Variants in BCAR1 observed in about 807,000 individuals in gnomAD.
BCAR1 encodes BCAR1 scaffold protein, Cas family member.
In BCAR1, 30 loss-of-function variants were observed where a neutral mutation model predicts 67.6. That is an observed-to-expected ratio of 0.44 (90% CI 0.33 to 0.60). The LOEUF is 0.60. BCAR1 is among the 20% of genes least tolerant of loss of function. The pLI, the probability that BCAR1 is intolerant of heterozygous loss-of-function variation, is 0.02. For synonymous variants in BCAR1, 626 were observed against 556.7 expected, an observed-to-expected ratio of 1.12 and a Z score of -1.75; for missense variants, 1,313 against 1,222.3, an observed-to-expected ratio of 1.07 and a Z score of -1.11.
In BCAR1 at chr16:75,266,870, C is replaced by T. The variant is rs1597298793; in HGVS notation, c.66+1045G>A. ...GAAAGACGGAGCCAGCTCCATGAGG[C>T]TGGTTTGCCGCAGCCCGGGCTCATG... is the stretch of plus-strand genomic sequence containing the variant. On this transcript the variant is annotated intron_variant, in intron 1 of 6. Coordinates refer to the BCAR1 transcript ENST00000393422. 17 of 1,121,152 alleles carry T rather than the reference C, an allele frequency of 1.5e-5. No individual in the cohort carries two copies. The East Asian group carries it at 5.2e-4, about 34-fold the overall frequency. The allele number at this position is 1,121,152 out of a possible 1,614,324, so 69.5% of individuals were successfully genotyped here. A position where few individuals can be genotyped will look rare whatever the true frequency, so the allele number is the denominator to read the frequency against.
chr16:75,236,964 G>A lies in BCAR1; in HGVS notation c.830C>T (p.Pro277Leu). 1 of 1,610,356 alleles carries A rather than the reference G, an allele frequency of 6.2e-7. No homozygotes were observed. Residue 277 changes from proline to leucine, a missense_variant, in exon 4 of 7, where the codon CCC becomes CTC. Transcript: ENST00000162330. Reference sequence around the variant, plus strand: ...CTCCAGCAACGGGTCTCGGCCATTGGGACCCTTGACAGCCATGGGGGGTGT... The same window carrying A: ...CTCCAGCAACGGGTCTCGGCCATTGAGACCCTTGACAGCCATGGGGGGTGT... Reference protein sequence around the residue: ...YDTPPMAVKGPNGRDPLLEVY... With the variant: ...YDTPPMAVKGLNGRDPLLEVY...
Position 75,266,743 on chromosome 16 carries a change from C to T in BCAR1, c.66+1172G>A, listed in dbSNP as rs186575738. On this transcript the variant is annotated intron_variant, in intron 1 of 6. Transcript: ENST00000393422. ...TCAAAGGAAGGACCAGGGGTCCGACCCCTCTGTTCTGCTTCCTGGGGACGG... is the reference window on the plus strand; with the variant it reads ...TCAAAGGAAGGACCAGGGGTCCGACTCCTCTGTTCTGCTTCCTGGGGACGG... 1,311 of 1,452,600 alleles carry T rather than the reference C, an allele frequency of 9.0e-4. 14 individuals carry two copies. In the African/African-American group the frequency reaches 0.016, roughly 18 times the overall value. The allele number at this position is 1,452,600 out of a possible 1,614,324, so 90.0% of individuals were successfully genotyped here.
At chr16:75,239,612 G>A (rs948763066) in intron 2 of BCAR1, among the ~76,000 whole-genome samples, 1 of 152,122 alleles carries the variant, frequency 6.6e-6, no homozygotes, top group Admixed American at 6.5e-5. Context: ...GTTGGCTCCC[G>A]GCTCTGGCAC....
At chr16:75,264,119 T>C in intron 1 of BCAR1, 1 of 1,295,560 alleles carries the variant, frequency 7.7e-7, no homozygotes, top group Non-Finnish European at 9.8e-7. Flanking sequence ...TCTGTCCAAG[T>C]CCTACCCAGC....
chr16:75,239,776 C>T (rs2077274378), intron 2 of BCAR1, among the ~76,000 whole-genome samples: 1 of 152,200 alleles, frequency 6.6e-6, no homozygotes, highest in African/African-American at 2.4e-5. Context: ...AGCCCGCTCC[C>T]CTCCCTCCCC....
intron 6 of BCAR1, among the ~76,000 whole-genome samples, chr16:75,230,235 C>T (rs890244731): frequency 2.0e-5 from 3 of 152,160 alleles, no homozygotes; most frequent in African/African-American, 4.8e-5. Flanking sequence ...TTCCACCAGT[C>T]TCAAAAGGTC....
intron 1 of BCAR1, chr16:75,263,667 C>G: frequency 4.1e-6 from 4 of 985,498 alleles, no homozygotes; most frequent in Non-Finnish European, 1.2e-6. Context: ...CCTTCTGAAG[C>G]ATCTTATAAT....
intron 6 of BCAR1, among the ~76,000 whole-genome samples, chr16:75,233,197 C>A (rs975161767): frequency 1.3e-5 from 2 of 152,024 alleles, no homozygotes; most frequent in African/African-American, 4.8e-5. Context: ...TGTGGTGAAA[C>A]CTTTGTCTCT....
intron 2 of BCAR1, chr16:75,239,225 G>T: frequency 1.6e-6 from 1 of 639,504 alleles, no homozygotes; most frequent in Non-Finnish European, 1.9e-6. Flanking sequence ...CCACTAGCAG[G>T]CCGTGGAGGT....
At chr16:75,243,936 G>A (rs1205049243) in intron 1 of BCAR1, among the ~76,000 whole-genome samples, 2 of 152,248 alleles carry the variant, frequency 1.3e-5, no homozygotes, top group Non-Finnish European at 2.9e-5. Context: ...AGAGACAGAG[G>A]ATCCCTGGCT....
chr16:75,251,977 C>T (rs190380001), upstream of BCAR1: 320 of 604,116 alleles, frequency 5.3e-4, 4 homozygotes, highest in Admixed American at 7.0e-3. Flanking sequence ...CCTCCAGAGC[C>T]GAGACATGGC....
intron 1 of BCAR1, chr16:75,249,345 G>C (rs980205820): frequency 3.3e-5 from 5 of 152,262 alleles, no homozygotes; most frequent in African/African-American, 1.2e-4. Flanking sequence ...CCCCAGGCTA[G>C]AATGTAGAGG....
At chr16:75,244,355 GC>G (rs1227508470) in intron 1 of BCAR1, among the ~76,000 whole-genome samples, 1 of 152,248 alleles carries the variant, frequency 6.6e-6, no homozygotes, top group Non-Finnish European at 1.5e-5. Context: ...AAAGGGCCAC[GC>G]CCCCTTGGGC....
At position 75,251,478 on chromosome 16, in the gene BCAR1, T is replaced by G; in HGVS notation, c.5A>C (p.Asn2Thr). Residue 2 changes from asparagine to threonine, a missense_variant, in exon 1 of 7, where the codon AAC becomes ACC. By Grantham distance (65) the Asn-to-Thr change is moderately conservative (BLOSUM62 0). Coordinates refer to ENST00000162330, the MANE Select transcript of BCAR1 (RefSeq NM_014567.5). M[N>T]HLNVLAKALY... ...CCCACCTGGCGCCCTCACCAGGTGG[T>G]TCATGGTGTCCGGCGGGCCTGGGGC... 1 of 1,417,408 alleles carries G rather than the reference T, an allele frequency of 7.1e-7. No individual in the cohort carries two copies. Among genetic ancestry groups the G allele is most frequent in the Non-Finnish European group, 9.2e-7 (1 of 1,082,908 alleles). 87.8% of individuals were successfully genotyped at this position (1,417,408 alleles called of 1,614,324 possible).
chr16:75,229,373 C>A lies in BCAR1; in HGVS notation c.*138G>T, dbSNP rs892767667. Reference sequence around the variant, plus strand: ...CCCGGCCATAAATATATACAGATTCCTGGGCATCCAGGGCACCAGGACCGA... The same window carrying A: ...CCCGGCCATAAATATATACAGATTCATGGGCATCCAGGGCACCAGGACCGA... On this transcript the variant is annotated 3_prime_UTR_variant, in exon 7 of 7. Transcript: ENST00000162330. 1.3e-4 allele frequency: 166 copies of A among 1,297,298 alleles called. No individual in the cohort carries two copies. Among genetic ancestry groups the A allele is most frequent in the Non-Finnish European group, 1.7e-4 (162 of 976,500 alleles). The allele number at this position is 1,297,298 out of a possible 1,614,324, so 80.4% of individuals were successfully genotyped here. A position where few individuals can be genotyped will look rare whatever the true frequency, so the allele number is the denominator to read the frequency against.
chr16:75,230,362 G>T (rs1213758271), intron 6 of BCAR1, among the ~76,000 whole-genome samples: 3 of 152,142 alleles, frequency 2.0e-5, no homozygotes, highest in Non-Finnish European at 4.4e-5. Flanking sequence ...TTGAGACGTG[G>T]CACTGGGGAA....
intron 1 of BCAR1, 49 bp downstream of exon 1, chr16:75,251,422 C>T (rs1259690897): frequency 2.0e-6 from 3 of 1,479,132 alleles, no homozygotes; most frequent in South Asian, 2.5e-5. Flanking sequence ...TTCCAGCCCG[C>T]TGCCGCCTCC....
rs1815738267 is a variant in BCAR1 at position 75,242,744 on chromosome 16, G to C, written c.359C>G (p.Pro120Arg). The C allele has an allele frequency of 6.3e-7, 1 of 1,588,304 alleles. No homozygotes were observed. The highest frequency in any genetic ancestry group is 8.6e-7 in the Non-Finnish European group (1 of 1,167,508). The stretch of plus-strand genomic sequence containing the variant: ...GTAGAGGCCTTGCTGAGCCTTGCTG[G>C]GAGTGGGCACCAGGTAGACGCTGTC... ...QPDSVYLVPT[P>R]SKAQQGLYQV... Residue 120 changes from proline to arginine, a missense_variant, in exon 2 of 7, where the codon CCC becomes CGC. This residue lies in a region of BCAR1 where 1,272 missense variants were observed against 1,137.5 expected (regional missense o/e 1.12). Transcript: ENST00000162330.
Position 75,229,743 on chromosome 16 carries a change from A to G in BCAR1, c.2381T>C (p.Phe794Ser). 6.2e-7 allele frequency: 1 copy of G among 1,613,442 alleles called. No homozygotes were observed. The highest frequency in any genetic ancestry group is 2.2e-5 in the East Asian group (1 of 44,882). ...FVILSAHKLV[F>S]IGDTLSRQAK... ...CTGCCGTGACAGTGTGTCCCCGATG[A>G]ACACCAGCTTGTGGGCGCTGAGGAT... The change falls in exon 7 of 7, where the codon TTC (phenylalanine) becomes TCC (serine). Residue 794 changes from phenylalanine to serine, a missense_variant. Physicochemically the swap from Phe to Ser is radical, Grantham distance 155. Coordinates refer to ENST00000162330, the MANE Select transcript of BCAR1 (RefSeq NM_014567.5).
Sources: gnomAD v4.1 joint callset for allele counts (sites outside exome capture counted in the v4.1 genomes callset) on GRCh38, gnomAD v4.1.1 for gene constraint, gnomAD v4.1.1 regional missense constraint, MANE v1.5 for transcripts, NCBI Gene and HGNC (gene_info 2026-07-23, HGNC 2026-07-21) for gene names.